The following C8orf34 variants were observed in gnomAD, a reference collection of about 807,000 sequenced individuals.
C8orf34 encodes the protein uncharacterized protein C8orf34.
C8orf34 carries 65 observed loss-of-function variants against 68.3 expected under a neutral mutation model. The ratio of observed to expected loss-of-function variants is 0.95; its 90% CI spans 0.78 to 1.17. The LOEUF is 1.17. Ranked by LOEUF, C8orf34 falls within the 50% of genes most tolerant of loss-of-function variation. The pLI, the probability that C8orf34 is intolerant of heterozygous loss-of-function variation, is 0.00. For missense variants in C8orf34, 664 were observed against 655.4 expected, an observed-to-expected ratio of 1.01 and a Z score of -0.14; for synonymous variants, 244 against 241.2, an observed-to-expected ratio of 1.01 and a Z score of -0.11.
At chr8:68,756,093 A>AT (rs949336400) in intron 10 of C8orf34, among the ~76,000 whole-genome samples, 1 of 139,384 alleles carries the variant, frequency 7.2e-6, no homozygotes, top group Non-Finnish European at 1.5e-5. Context: ...AAACAAAAAA[A>AT]AAAACCAGAG....
chr8:68,536,019 C>A, intron 7 of C8orf34, among the ~76,000 whole-genome samples: 1 of 151,946 alleles, frequency 6.6e-6, no homozygotes, highest in Non-Finnish European at 1.5e-5. Flanking sequence ...AGAAAATCTT[C>A]ACATATTTTT....
intron 3 of C8orf34, among the ~76,000 whole-genome samples, chr8:68,451,177 G>GT (rs1349166490): frequency 1.3e-5 from 2 of 151,932 alleles, no homozygotes; most frequent in Non-Finnish European, 2.9e-5. Context: ...CTCAGCTTTC[G>GT]TGGAATTGAG....
chr8:68,566,944 G>A (rs754125738), intron 7 of C8orf34, among the ~76,000 whole-genome samples: 10 of 152,094 alleles, frequency 6.6e-5, no homozygotes, highest in African/African-American at 9.7e-5. Context: ...ATTGACTTGC[G>A]TATGTTAAAC....
At chr8:68,512,525 A>C (rs750050624) in intron 5 of C8orf34, among the ~76,000 whole-genome samples, 4 of 152,194 alleles carry the variant, frequency 2.6e-5, no homozygotes, top group Non-Finnish European at 5.9e-5. Flanking sequence ...ATGAAATAGA[A>C]TTCCACATTA....
intron 10 of C8orf34, among the ~76,000 whole-genome samples, chr8:68,764,430 A>G (rs2129528138): frequency 1.3e-5 from 2 of 152,322 alleles, no homozygotes; most frequent in East Asian, 3.9e-4. Flanking sequence ...AGGAGAGAGC[A>G]CTTCTACCAG....
intron 7 of C8orf34, among the ~76,000 whole-genome samples, chr8:68,575,958 T>G (rs935681386): frequency 0.088 from 3,308 of 37,568 alleles, 162 homozygotes; most frequent in African/African-American, 0.41. Context: ...AGATGGTTGT[T>G]TTTTTTTTTT....
At chr8:68,808,029 T>G (rs1424338741) in intron 12 of C8orf34, among the ~76,000 whole-genome samples, 1 of 152,114 alleles carries the variant, frequency 6.6e-6, no homozygotes, top group African/African-American at 2.4e-5. Flanking sequence ...TTCTTTAGGG[T>G]CTCAGCCTCT....
rs778441254 is a variant in C8orf34 at position 68,505,738 on chromosome 8, C to CAAAAAAAAA, written c.766-16050_766-16042dup. Among the ~76,000 whole-genome samples the CAAAAAAAAA allele has an allele frequency of 1.0e-4, 7 of 68,354 alleles. 2 individuals are homozygous for CAAAAAAAAA. Among genetic ancestry groups the CAAAAAAAAA allele is most frequent in the African/African-American group, 2.3e-4 (5 of 22,044 alleles). The allele number at this position is 68,354 out of a possible 152,430, so 44.8% of individuals were successfully genotyped here. ...GGGCGACAGAGCGAGACTCCGTCTC[C>CAAAAAAAAA]AAAAAAAAAAAAAAAAAAAGAATGA... is the stretch of plus-strand genomic sequence containing the variant. On this transcript the variant is annotated intron_variant, in intron 5 of 13. Coordinates refer to ENST00000518698, the MANE Select transcript of C8orf34 (RefSeq NM_052958.4).
chr8:68,431,794 G>C (rs1443975691), intron 1 of C8orf34, among the ~76,000 whole-genome samples: 1 of 152,164 alleles, frequency 6.6e-6, no homozygotes, highest in Non-Finnish European at 1.5e-5. Context: ...AAAGTAGAGA[G>C]AATTCAGTGT....
chr8:68,622,582 A>G (rs1818419715), intron 7 of C8orf34, among the ~76,000 whole-genome samples: 1 of 152,212 alleles, frequency 6.6e-6, no homozygotes, highest in Non-Finnish European at 1.5e-5. Context: ...TAGCAAAGGC[A>G]TTGCAGTAAG....
At chr8:68,369,595 T>C (rs1807468719) in intron 1 of C8orf34, among the ~76,000 whole-genome samples, 1 of 152,222 alleles carries the variant, frequency 6.6e-6, no homozygotes, top group South Asian at 2.1e-4. Context: ...CTGTGCATTC[T>C]GGATTGCCTC....
chr8:68,609,513 G>A (rs564279558), intron 7 of C8orf34, among the ~76,000 whole-genome samples: 47 of 152,210 alleles, frequency 3.1e-4, no homozygotes, highest in Non-Finnish European at 4.9e-4. Flanking sequence ...AGAAGCCAAG[G>A]GTATAAAGAG....
At chr8:68,678,548 AT>A (rs1417834855) in intron 8 of C8orf34, among the ~76,000 whole-genome samples, 2 of 152,212 alleles carry the variant, frequency 1.3e-5, no homozygotes, top group Non-Finnish European at 2.9e-5. Flanking sequence ...TTTCTTCATG[AT>A]AAAAATCCTG....
chr8:68,536,273 G>A (rs1329509345), intron 7 of C8orf34, among the ~76,000 whole-genome samples: 1 of 145,620 alleles, frequency 6.9e-6, no homozygotes, highest in African/African-American at 2.5e-5. Flanking sequence ...CCCAGCTACT[G>A]GACTGAGTCT....
intron 10 of C8orf34, 87 bp from the exon 11 acceptor site, chr8:68,776,312 G>A: frequency 1.1e-6 from 1 of 946,922 alleles, no homozygotes; most frequent in Non-Finnish European, 1.7e-6. Flanking sequence ...ATTTGGTGTT[G>A]CTCTCAGATC....
intron 7 of C8orf34, among the ~76,000 whole-genome samples, chr8:68,593,362 TTGAAA>T (rs1817452514): frequency 6.6e-6 from 1 of 152,160 alleles, no homozygotes; most frequent in South Asian, 2.1e-4. Flanking sequence ...AGTATTGGTC[TTGAAA>T]TGAAAATTTT....
intron 7 of C8orf34, among the ~76,000 whole-genome samples, chr8:68,570,345 C>T (rs1302569337): frequency 6.6e-6 from 1 of 152,202 alleles, no homozygotes; most frequent in African/African-American, 2.4e-5. Context: ...AATGTGCAAA[C>T]ACAGTCAACC....
chr8:68,398,506 T>C (rs1808811659), intron 1 of C8orf34, among the ~76,000 whole-genome samples: 1 of 152,170 alleles, frequency 6.6e-6, no homozygotes. Flanking sequence ...AAGTATTTTT[T>C]TTGGTGTGGT....
At chr8:68,452,904 C>T (rs1468354384) in intron 3 of C8orf34, among the ~76,000 whole-genome samples, 1 of 151,628 alleles carries the variant, frequency 6.6e-6, no homozygotes, top group Admixed American at 6.6e-5. Flanking sequence ...TATGCTCTTA[C>T]ATGTGGGTAG....
Sources: allele counts gnomAD v4.1 joint callset (sites outside exome capture counted in the v4.1 genomes callset), GRCh38; gene constraint gnomAD v4.1.1; transcripts MANE v1.5; gene names NCBI Gene and HGNC (gene_info 2026-07-23, HGNC 2026-07-21).